Variants in PPP2R2B observed in about 807,000 individuals in gnomAD.
PPP2R2B encodes the protein serine/threonine-protein phosphatase 2A 55 kDa regulatory subunit B beta isoform.
PPP2R2B carries 5 observed loss-of-function variants against 46.0 expected under a neutral mutation model. The observed-to-expected ratio is 0.11, with a 90% confidence interval of 0.06 to 0.23. The LOEUF is 0.23. Ranked by LOEUF, PPP2R2B falls within the 10% of genes least tolerant of loss-of-function variation. The pLI is 1.00. For synonymous variants in PPP2R2B, 215 were observed against 206.7 expected, an observed-to-expected ratio of 1.04 and a Z score of -0.34; for missense variants, 367 against 575.0, an observed-to-expected ratio of 0.64 and a Z score of 3.70.
intron 1 of PPP2R2B, among the ~76,000 whole-genome samples, chr5:146,957,427 G>A (rs1032832720): frequency 6.6e-6 from 1 of 152,218 alleles, no homozygotes; most frequent in South Asian, 2.1e-4. Flanking sequence ...CATAGTGCTA[G>A]CTGCAAGAGG....
intron 2 of PPP2R2B, among the ~76,000 whole-genome samples, chr5:146,771,602 G>GAGTT: frequency 6.6e-6 from 1 of 152,314 alleles, no homozygotes; most frequent in Non-Finnish European, 1.5e-5. Context: ...ATGATGAGCT[G>GAGTT]TCTACCAATA....
At chr5:146,996,495 G>A (rs1753928389) in intron 1 of PPP2R2B, among the ~76,000 whole-genome samples, 1 of 152,138 alleles carries the variant, frequency 6.6e-6, no homozygotes, top group African/African-American at 2.4e-5. Flanking sequence ...CTGAGAAGAC[G>A]GGATTGTTAC....
At chr5:146,804,194 A>T (rs1453075063) in intron 2 of PPP2R2B, among the ~76,000 whole-genome samples, 1 of 152,010 alleles carries the variant, frequency 6.6e-6, no homozygotes, top group Non-Finnish European at 1.5e-5. Context: ...TTATATAATT[A>T]TAATTATTGC....
At chr5:146,674,801 A>T (rs751513837) in intron 5 of PPP2R2B, among the ~76,000 whole-genome samples, 1 of 152,122 alleles carries the variant, frequency 6.6e-6, no homozygotes, top group Non-Finnish European at 1.5e-5. Flanking sequence ...GTCTCCCCCA[A>T]AGTGTTATCC....
At chr5:146,670,367 A>AT (rs887223471) in intron 5 of PPP2R2B, among the ~76,000 whole-genome samples, 3 of 151,672 alleles carry the variant, frequency 2.0e-5, no homozygotes, top group African/African-American at 4.8e-5. Flanking sequence ...AGGTATCCTG[A>AT]TTTTTTTTTA....
intron 2 of PPP2R2B, among the ~76,000 whole-genome samples, chr5:146,853,148 G>A (rs115414934): frequency 0.014 from 2,203 of 152,212 alleles, 31 homozygotes; most frequent in Non-Finnish European, 0.022. Flanking sequence ...TCAAAAAAAT[G>A]TCCCCTAGGA....
intron 2 of PPP2R2B, among the ~76,000 whole-genome samples, chr5:146,732,567 T>C (rs1431017276): frequency 6.6e-6 from 1 of 152,268 alleles, no homozygotes; most frequent in South Asian, 2.1e-4. Context: ...TGAATTCCAG[T>C]TGAAACCATG....
At chr5:146,622,485 C>T (rs905128970) in intron 7 of PPP2R2B, among the ~76,000 whole-genome samples, 6 of 152,180 alleles carry the variant, frequency 3.9e-5, no homozygotes, top group South Asian at 4.1e-4. Flanking sequence ...TATACAGCCT[C>T]TTTCTATCTT....
At chr5:147,003,930 C>T (rs1412470468) in intron 1 of PPP2R2B, among the ~76,000 whole-genome samples, 1 of 152,066 alleles carries the variant, frequency 6.6e-6, no homozygotes, top group African/African-American at 2.4e-5. Flanking sequence ...AATTTATTAC[C>T]CAATCAACAG....
chr5:146,723,478 GT>G (rs1348416209), intron 2 of PPP2R2B, among the ~76,000 whole-genome samples: 1 of 152,114 alleles, frequency 6.6e-6, no homozygotes, highest in Non-Finnish European at 1.5e-5. Flanking sequence ...AAACTGTCCT[GT>G]ACCTTTATGT....
At chr5:146,642,664 T>C (rs1041702557) in intron 6 of PPP2R2B, among the ~76,000 whole-genome samples, 2 of 152,226 alleles carry the variant, frequency 1.3e-5, no homozygotes, top group Admixed American at 1.3e-4. Flanking sequence ...ACATTAGTGA[T>C]AGTTCTATCA....
chr5:146,718,059 T>C (rs1404223861), intron 2 of PPP2R2B, among the ~76,000 whole-genome samples: 2 of 152,148 alleles, frequency 1.3e-5, no homozygotes, highest in African/African-American at 4.8e-5. Flanking sequence ...TTAATGTCTG[T>C]CTCCCTTGTA....
At chr5:146,713,615 G>A (rs1199270913) in intron 2 of PPP2R2B, among the ~76,000 whole-genome samples, 1 of 152,260 alleles carries the variant, frequency 6.6e-6, no homozygotes, top group South Asian at 2.1e-4. Flanking sequence ...GATAATCAAG[G>A]GGAGATAAAC....
chr5:146,691,147 G>C lies in PPP2R2B; in HGVS notation c.428C>G (p.Ala143Gly). The part of the protein sequence containing the change: ...KDEEGRLRDP[A>G]TITTLRVPVL... The stretch of plus-strand genomic sequence containing the variant: ...ACTCACCCGCAGGGTTGTGATGGTG[G>C]CAGGATCCCGGAGCCGGCCCTCCTC... The change falls in exon 5 of 10, where the codon GCC (alanine) becomes GGC (glycine). Residue 143 changes from alanine to glycine, a missense_variant. Transcript: ENST00000394411. 1 of 1,614,050 alleles carries C rather than the reference G, an allele frequency of 6.2e-7. No homozygotes were observed.
At position 146,878,670 on chromosome 5, in the gene PPP2R2B, AG is replaced by A; in HGVS notation, c.-205del. On this transcript the variant is annotated 5_prime_UTR_variant, in exon 1 of 10. Coordinates refer to ENST00000394411, the MANE Select transcript of PPP2R2B (RefSeq NM_181675.4). The surrounding 1 kb of genome is among the most constrained non-coding windows in gnomAD (Gnocchi z 4.5). ...TAGGGAAGCTGGCGGGGAGCTGGGC[AG>A]GGCGCTGCAGCCGGCGCCAGCGCAC... is the stretch of plus-strand genomic sequence containing the variant. 1 of 1,283,556 alleles carries A rather than the reference AG, an allele frequency of 7.8e-7. No individual in the cohort carries two copies. The highest frequency in any genetic ancestry group is 1.0e-6 in the Non-Finnish European group (1 of 986,280). 79.5% of individuals were successfully genotyped at this position (1,283,556 alleles called of 1,614,324 possible). A position where few individuals can be genotyped will look rare whatever the true frequency, so the allele number is the denominator to read the frequency against.
At chr5:146,922,757 A>T (rs745642301) in intron 1 of PPP2R2B, among the ~76,000 whole-genome samples, 1 of 152,158 alleles carries the variant, frequency 6.6e-6, no homozygotes, top group Non-Finnish European at 1.5e-5. Context: ...GCCCATCAGC[A>T]CATCCCATTG....
intron 1 of PPP2R2B, among the ~76,000 whole-genome samples, chr5:146,993,769 C>A (rs1753806080): frequency 6.6e-6 from 1 of 151,972 alleles, no homozygotes; most frequent in African/African-American, 2.4e-5. Flanking sequence ...TAACTGTCAT[C>A]ATTGTCATTG....
chr5:146,681,260 G>A (rs1778153099), intron 5 of PPP2R2B, among the ~76,000 whole-genome samples: 1 of 152,160 alleles, frequency 6.6e-6, no homozygotes, highest in African/African-American at 2.4e-5. Flanking sequence ...AAGGGATCTA[G>A]GCATGTATTT....
intron 1 of PPP2R2B, among the ~76,000 whole-genome samples, chr5:146,908,883 C>T (rs1314402985): frequency 6.6e-6 from 1 of 151,990 alleles, no homozygotes; most frequent in Non-Finnish European, 1.5e-5. Flanking sequence ...CTCACTGCAG[C>T]CTCAAACTCT....
Sources: gnomAD v4.1 joint callset for allele counts (sites outside exome capture counted in the v4.1 genomes callset) on GRCh38, gnomAD v4.1.1 for gene constraint, Gnocchi (gnomAD v3.1) non-coding constraint, MANE v1.5 for transcripts, NCBI Gene and HGNC (gene_info 2026-07-23, HGNC 2026-07-21) for gene names.